SAMD5: variants seen among roughly 807,000 people sequenced by gnomAD.
The protein encoded by SAMD5 is sterile alpha motif domain-containing protein 5.
SAMD5 carries 13 observed loss-of-function variants against 11.3 expected under a neutral mutation model. The ratio of observed to expected loss-of-function variants is 1.15; its 90% CI spans 0.75 to 1.83. The LOEUF is 1.83. SAMD5 is among the 40% of genes most tolerant of loss of function. The pLI is 0.00. For missense variants in SAMD5, 255 were observed against 239.1 expected, an observed-to-expected ratio of 1.07 and a Z score of -0.44; for synonymous variants, 129 against 111.3, an observed-to-expected ratio of 1.16 and a Z score of -1.00.
At chr6:147,890,169 CAT>C in the SAMD5 span, among the ~76,000 whole-genome samples, 495 of 152,000 alleles carry the variant, frequency 3.3e-3, 1 homozygote, top group African/African-American at 0.012. Flanking sequence ...ATATTGTTGA[CAT>C]GTGTAGCAGA....
chr6:147,657,019 G>C (rs77449202), intron 1 of SAMD5, among the ~76,000 whole-genome samples: 6,335 of 151,968 alleles, frequency 0.042, 438 homozygotes, highest in African/African-American at 0.14. Flanking sequence ...CATAGAGACC[G>C]GTTGTATAAA....
chr6:147,684,153 TG>T (rs1450389280), intron 1 of SAMD5, among the ~76,000 whole-genome samples: 1 of 152,096 alleles, frequency 6.6e-6, no homozygotes, highest in Non-Finnish European at 1.5e-5. Context: ...CGTTTCATTA[TG>T]ATTAGTTCTT....
In SAMD5 at chr6:147,569,326, G is replaced by GTTATTT. The variant is rs1344266832; in HGVS notation, c.*4873_*4878dup. ...TTGTTTAAACTCCTGGAAATTAAGT[G>GTTATTT]TTATTTTTTATTACTGCAGTTGAGA... On this transcript the variant is annotated 3_prime_UTR_variant, in exon 2 of 2. Coordinates refer to ENST00000367474, the MANE Select transcript of SAMD5 (RefSeq NM_001030060.3). 4 of 546,788 alleles carry GTTATTT rather than the reference G, an allele frequency of 7.3e-6. No individual in the cohort carries two copies. The African/African-American group carries it at 8.3e-5, about 11-fold the overall frequency. 33.9% of individuals were successfully genotyped at this position (546,788 alleles called of 1,614,324 possible).
chr6:147,636,019 C>A (rs1410241246), intron 1 of SAMD5, among the ~76,000 whole-genome samples: 1 of 152,186 alleles, frequency 6.6e-6, no homozygotes, highest in African/African-American at 2.4e-5. Context: ...GTTGATTCAA[C>A]CATGACTGAT....
chr6:147,763,744 G>T, the SAMD5 span, among the ~76,000 whole-genome samples: 2 of 151,372 alleles, frequency 1.3e-5, no homozygotes, highest in Non-Finnish European at 2.9e-5. Flanking sequence ...CACCACGCCC[G>T]GCTAATTTTT....
intron 1 of SAMD5, among the ~76,000 whole-genome samples, chr6:147,616,774 C>A (rs1789879962): frequency 1.3e-5 from 2 of 152,152 alleles, no homozygotes; most frequent in Admixed American, 1.3e-4. Flanking sequence ...AAGCAAGTAC[C>A]TTCTTCACAA....
At chr6:147,931,948 G>C in the SAMD5 span, among the ~76,000 whole-genome samples, 1 of 152,154 alleles carries the variant, frequency 6.6e-6, no homozygotes, top group Non-Finnish European at 1.5e-5. Context: ...ACTTAAAGCA[G>C]TACTTTGCCT....
chr6:147,699,790 C>T (rs1244261961), intron 1 of SAMD5, among the ~76,000 whole-genome samples: 1 of 152,144 alleles, frequency 6.6e-6, no homozygotes, highest in African/African-American at 2.4e-5. Flanking sequence ...ATTTACATGA[C>T]TCAAGATGAG....
At chr6:147,529,167 A>G (rs1788389188) in intron 1 of SAMD5, among the ~76,000 whole-genome samples, 1 of 152,240 alleles carries the variant, frequency 6.6e-6, no homozygotes, top group Non-Finnish European at 1.5e-5. Context: ...ATTAAAGATG[A>G]AAATGGCAGA....
At chr6:147,896,375 G>C in the SAMD5 span, among the ~76,000 whole-genome samples, 1 of 152,126 alleles carries the variant, frequency 6.6e-6, no homozygotes, top group African/African-American at 2.4e-5. Flanking sequence ...GGCTGGGGCT[G>C]GGGTTGGGGG....
the SAMD5 span, among the ~76,000 whole-genome samples, chr6:147,816,301 A>AAATATATATATATATATATATAT: frequency 6.0e-5 from 4 of 66,362 alleles, no homozygotes; most frequent in Admixed American, 2.0e-4. Context: ...AAAAAAAAAA[A>AAATATATATATATATATATATAT]ATATATATAT....
At position 147,531,477 on chromosome 6, in the gene SAMD5, C is replaced by T. The variant is rs1788429457; in HGVS notation, c.459+22090C>T. Among the ~76,000 whole-genome samples the T allele has an allele frequency of 2.0e-5, 3 of 152,188 alleles. No individual in the cohort carries two copies. In the South Asian group the frequency reaches 6.2e-4, roughly 31 times the overall value. On this transcript the variant is annotated intron_variant, in intron 1 of 1. Coordinates refer to ENST00000367474, the MANE Select transcript of SAMD5 (RefSeq NM_001030060.3). ...AATGTGAAGGCAGGCCCATGCCTTA[C>T]TCATCTCATCTGCCCCAGGCCCGGC...
chr6:147,766,615 G>A, the SAMD5 span, among the ~76,000 whole-genome samples: 1,476 of 152,260 alleles, frequency 9.7e-3, 25 homozygotes, highest in African/African-American at 0.034. Context: ...AAATGTGGAT[G>A]TACTTCCAAA....
At chr6:147,517,505 T>TAAATCAGTGGTAGAC (rs11269797) in intron 1 of SAMD5, among the ~76,000 whole-genome samples, 2 of 151,998 alleles carry the variant, frequency 1.3e-5, no homozygotes, top group African/African-American at 4.8e-5. Flanking sequence ...TGTTTGATGA[T>TAAATCAGTGGTAGAC]TTTTAGTGGA....
intron 1 of SAMD5, among the ~76,000 whole-genome samples, chr6:147,695,384 G>A (rs1306021226): frequency 1.3e-5 from 2 of 152,056 alleles, no homozygotes; most frequent in Non-Finnish European, 2.9e-5. Context: ...CCGTGCATAT[G>A]TGTTTAAATT....
At chr6:147,770,080 T>C in the SAMD5 span, among the ~76,000 whole-genome samples, 132 of 152,280 alleles carry the variant, frequency 8.7e-4, no homozygotes, top group African/African-American at 3.1e-3. Flanking sequence ...AACAGATGAT[T>C]TTAAGATTGA....
At chr6:147,827,077 T>C in the SAMD5 span, among the ~76,000 whole-genome samples, 1 of 152,136 alleles carries the variant, frequency 6.6e-6, no homozygotes, top group Non-Finnish European at 1.5e-5. Context: ...GGGAAAGGAA[T>C]ATAGGAAAAT....
At chr6:147,710,421 G>T (rs1320377310) in intron 1 of SAMD5, among the ~76,000 whole-genome samples, 2 of 152,160 alleles carry the variant, frequency 1.3e-5, no homozygotes, top group Non-Finnish European at 2.9e-5. Context: ...ATGCCATTTT[G>T]AGAAATGTGG....
chr6:147,745,697 C>T, the SAMD5 span, among the ~76,000 whole-genome samples: 7 of 152,018 alleles, frequency 4.6e-5, no homozygotes, highest in Admixed American at 4.6e-4. Flanking sequence ...TTGTGTCTCA[C>T]TAGTGATTTA....
Sources: gnomAD v4.1 joint callset for allele counts (sites outside exome capture counted in the v4.1 genomes callset) on GRCh38, gnomAD v4.1.1 for gene constraint, MANE v1.5 for transcripts, NCBI Gene and HGNC (gene_info 2026-07-23, HGNC 2026-07-21) for gene names.